Variants in GFOD2 observed in about 807,000 individuals in gnomAD.
The protein encoded by GFOD2 is glucose-fructose oxidoreductase domain-containing protein 2.
A neutral mutation model predicts 24.6 loss-of-function variants in GFOD2; 9 were observed. That is an observed-to-expected ratio of 0.37 (90% CI 0.22 to 0.64). The LOEUF is 0.64. Ranked by LOEUF, GFOD2 falls within the 30% of genes least tolerant of loss-of-function variation. The pLI, the probability that GFOD2 is intolerant of heterozygous loss-of-function variation, is 0.65. For synonymous variants in GFOD2, 211 were observed against 224.8 expected (o/e 0.94, Z 0.55); for missense variants, 476 against 532.5 (o/e 0.89, Z 1.04).
chr16:67,695,984 G>A (rs1374628799), intron 1 of GFOD2, among the ~76,000 whole-genome samples: 1 of 151,898 alleles, frequency 6.6e-6, no homozygotes, highest in Non-Finnish European at 1.5e-5. Flanking sequence ...GTATATATAG[G>A]GAATGTATGT....
chr16:67,694,367 ACTCCTGGCCTCAAG>A (rs2053341728), intron 1 of GFOD2, among the ~76,000 whole-genome samples: 1 of 151,556 alleles, frequency 6.6e-6, no homozygotes, highest in South Asian at 2.1e-4. Flanking sequence ...CTGGCCTCAA[ACTCCTGGCCTCAAG>A]CGATTCTCTC....
At chr16:67,704,713 G>A (rs1329397266) in intron 1 of GFOD2, among the ~76,000 whole-genome samples, 1 of 152,238 alleles carries the variant, frequency 6.6e-6, no homozygotes, top group Admixed American at 6.5e-5. Flanking sequence ...AACCAGATGT[G>A]TATAGGCACC....
At chr16:67,686,622 G>A (rs1403533800) in intron 1 of GFOD2, among the ~76,000 whole-genome samples, 1 of 151,790 alleles carries the variant, frequency 6.6e-6, no homozygotes, top group Non-Finnish European at 1.5e-5. Context: ...CTGAGGTAAG[G>A]AGTTCAAAAC....
At chr16:67,688,880 G>A (rs1211378030) in intron 1 of GFOD2, among the ~76,000 whole-genome samples, 5 of 150,102 alleles carry the variant, frequency 3.3e-5, no homozygotes, top group East Asian at 2.0e-4. Context: ...GACTACAGAC[G>A]CCCCCCCACC....
rs559070145 is a variant in GFOD2, at chr16:67,703,445, C to T, written c.-88+15718G>A. Among the ~76,000 whole-genome samples, 7 of 152,090 alleles carry T rather than the reference C, an allele frequency of 4.6e-5. No individual in the cohort carries two copies. In the South Asian group the frequency reaches 1.4e-3, roughly 31 times the overall value. The stretch of plus-strand genomic sequence containing the variant: ...AACAAAACAAAAAGGAAAAAAAAAC[C>T]CTGTATTTCCTAGCATTCCTTGTAA... On this transcript the variant is annotated intron_variant, in intron 1 of 2. Transcript: ENST00000268797.
rs2053262408 is a variant in GFOD2 at position 67,685,794 on chromosome 16, A to G, written c.-79T>C. 1 of 1,499,690 alleles carries G rather than the reference A, an allele frequency of 6.7e-7. No individual in the cohort carries two copies. 92.9% of individuals were successfully genotyped at this position (1,499,690 alleles called of 1,614,324 possible). On this transcript the variant is annotated 5_prime_UTR_variant, in exon 2 of 3. Transcript: ENST00000268797. ...ATGATCTTCCAAACGTCCTGGTCAG[A>G]CATGGCTCCTAGAATAGCAAACATT...
At chr16:67,693,892 C>T (rs2053335431) in intron 1 of GFOD2, among the ~76,000 whole-genome samples, 1 of 152,028 alleles carries the variant, frequency 6.6e-6, no homozygotes, top group Admixed American at 6.6e-5. Context: ...TGCACTCCAG[C>T]CTGGGTGACA....
intron 1 of GFOD2, among the ~76,000 whole-genome samples, chr16:67,697,148 G>A (rs995660984): frequency 2.0e-5 from 3 of 152,202 alleles, no homozygotes; most frequent in African/African-American, 7.2e-5. Flanking sequence ...CCTTGCCTGG[G>A]TTCAAATCCT....
chr16:67,687,147 C>CA (rs555830977), intron 1 of GFOD2, among the ~76,000 whole-genome samples: 3,000 of 49,674 alleles, frequency 0.06, 48 homozygotes, highest in African/African-American at 0.084. Context: ...GACTCCGTCA[C>CA]AAAAAAAAAA....
intron 1 of GFOD2, among the ~76,000 whole-genome samples, chr16:67,692,569 G>C (rs2053322535): frequency 6.6e-6 from 1 of 151,720 alleles, no homozygotes; most frequent in Admixed American, 6.6e-5. Context: ...GACAGAGCAA[G>C]ACTCTGTCTC....
At chr16:67,693,811 T>C (rs1357062978) in intron 1 of GFOD2, among the ~76,000 whole-genome samples, 2 of 152,064 alleles carry the variant, frequency 1.3e-5, no homozygotes, top group Admixed American at 6.6e-5. Flanking sequence ...TCCCAGCACT[T>C]TGGGAGGCTG....
At chr16:67,718,419 T>C (rs1053781186) in intron 1 of GFOD2, among the ~76,000 whole-genome samples, 2 of 152,244 alleles carry the variant, frequency 1.3e-5, no homozygotes, top group Admixed American at 6.5e-5. Flanking sequence ...GCCTTGTTCT[T>C]TAGATCGTGC....
chr16:67,710,485 C>G (rs2053465830), intron 1 of GFOD2, among the ~76,000 whole-genome samples: 1 of 152,194 alleles, frequency 6.6e-6, no homozygotes, highest in African/African-American at 2.4e-5. Flanking sequence ...CTGCCTCAGC[C>G]TCCCGAGTAG....
intron 1 of GFOD2, among the ~76,000 whole-genome samples, chr16:67,696,882 A>C (rs1194243603): frequency 6.6e-6 from 1 of 152,228 alleles, no homozygotes; most frequent in Non-Finnish European, 1.5e-5. Flanking sequence ...GCATGAAGGC[A>C]GGCAGGCTTG....
At chr16:67,680,836 C>T in intron 2 of GFOD2, 2 of 984,448 alleles carry the variant, frequency 2.0e-6, no homozygotes, top group Non-Finnish European at 2.4e-6. Flanking sequence ...CATATGTATA[C>T]ATGTGCCGTG....
chr16:67,679,295 C>T (rs189444625), intron 2 of GFOD2, among the ~76,000 whole-genome samples: 32 of 148,974 alleles, frequency 2.1e-4, no homozygotes, highest in Admixed American at 1.2e-3. Flanking sequence ...TGCAATGGTA[C>T]GATCTCAGCT....
At chr16:67,702,816 T>G (rs540696745) in intron 1 of GFOD2, among the ~76,000 whole-genome samples, 1 of 152,004 alleles carries the variant, frequency 6.6e-6, no homozygotes, top group Non-Finnish European at 1.5e-5. Flanking sequence ...CAGGCTAGTA[T>G]TGAACTCCTG....
chr16:67,680,118 A>C (rs1391661361), intron 2 of GFOD2, among the ~76,000 whole-genome samples: 1 of 151,980 alleles, frequency 6.6e-6, no homozygotes, highest in African/African-American at 2.4e-5. Flanking sequence ...CTGGTCTCAA[A>C]CTCCTGGCCT....
At chr16:67,703,959 G>A (rs2053421409) in intron 1 of GFOD2, among the ~76,000 whole-genome samples, 1 of 152,142 alleles carries the variant, frequency 6.6e-6, no homozygotes, top group Non-Finnish European at 1.5e-5. Context: ...TTCTATGTCT[G>A]GCTGATTTCA....
Sources: allele counts gnomAD v4.1 joint callset (sites outside exome capture counted in the v4.1 genomes callset), GRCh38; gene constraint gnomAD v4.1.1; transcripts MANE v1.5; gene names NCBI Gene and HGNC (gene_info 2026-07-23, HGNC 2026-07-21).